TENM2: variants seen among roughly 807,000 people sequenced by gnomAD.
The protein encoded by TENM2 is teneurin-2.
In TENM2, 52 loss-of-function variants were observed where a neutral mutation model predicts 245.2. The ratio of observed to expected loss-of-function variants is 0.21; its 90% CI spans 0.17 to 0.27. The LOEUF (loss-of-function observed/expected upper bound fraction) is 0.27, where lower values mean the gene tolerates loss of function less well. Among genes scored for constraint, TENM2 ranks in the 10% least tolerant of loss-of-function variants. The pLI, the probability that TENM2 is intolerant of heterozygous loss-of-function variation, is 1.00. For missense variants in TENM2, 3,046 were observed against 3,666.8 expected, an observed-to-expected ratio of 0.83 and a Z score of 4.37; for synonymous variants, 1,363 against 1,438.9, an observed-to-expected ratio of 0.95 and a Z score of 1.19.
chr5:166,996,450 A>G, the TENM2 span, among the ~76,000 whole-genome samples: 1 of 152,234 alleles, frequency 6.6e-6, no homozygotes, highest in Non-Finnish European at 1.5e-5. Flanking sequence ...GAATATGACC[A>G]TACTGTTCAA....
intron 3 of TENM2, among the ~76,000 whole-genome samples, chr5:167,911,931 G>T (rs1776589849): frequency 6.6e-6 from 1 of 151,898 alleles, no homozygotes; most frequent in Admixed American, 6.6e-5. Flanking sequence ...TGTATGTAAT[G>T]GATATGTCCA....
intron 4 of TENM2, among the ~76,000 whole-genome samples, chr5:167,957,618 T>C (rs935923392): frequency 2.0e-5 from 3 of 152,152 alleles, no homozygotes; most frequent in East Asian, 3.8e-4. Flanking sequence ...TTTAGTGCTA[T>C]AAATTTCCCT....
chr5:167,034,499 G>A, the TENM2 span, among the ~76,000 whole-genome samples: 46,127 of 147,148 alleles, frequency 0.31, 5,072 homozygotes, highest in South Asian at 0.46. Flanking sequence ...GCGTGGTGGC[G>A]GGCGCCTGTA....
chr5:168,102,181 C>T (rs1021931953), intron 9 of TENM2, among the ~76,000 whole-genome samples: 2 of 152,230 alleles, frequency 1.3e-5, no homozygotes, highest in African/African-American at 2.4e-5. Context: ...TCAAGTGATT[C>T]ACCTGCCTCA....
intron 2 of TENM2, among the ~76,000 whole-genome samples, chr5:167,426,767 G>A (rs67258610): frequency 1.3e-5 from 2 of 151,824 alleles, no homozygotes; most frequent in African/African-American, 4.8e-5. Flanking sequence ...GTTTATCAGC[G>A]AATGTTTATC....
intron 2 of TENM2, among the ~76,000 whole-genome samples, chr5:167,543,904 C>G (rs1281986123): frequency 2.6e-5 from 4 of 152,150 alleles, no homozygotes; most frequent in African/African-American, 9.7e-5. Context: ...GGACATAAGT[C>G]ATGTTGGATA....
the TENM2 span, among the ~76,000 whole-genome samples, chr5:167,146,284 C>A: frequency 6.6e-6 from 1 of 152,282 alleles, no homozygotes; most frequent in Non-Finnish European, 1.5e-5. Context: ...TCAGAAATTT[C>A]ATTAACTAAG....
intron 2 of TENM2, among the ~76,000 whole-genome samples, chr5:167,794,614 G>C (rs1340334886): frequency 6.6e-6 from 1 of 152,236 alleles, no homozygotes; most frequent in East Asian, 1.9e-4. Flanking sequence ...GAAGGAAGGA[G>C]AAAGAAGTAG....
chr5:167,230,998 T>C, the TENM2 span, among the ~76,000 whole-genome samples: 18 of 152,090 alleles, frequency 1.2e-4, no homozygotes, highest in Non-Finnish European at 2.1e-4. Context: ...ATGGTTTTAT[T>C]ACTGTGGCAT....
intron 1 of TENM2, among the ~76,000 whole-genome samples, chr5:167,292,682 TA>T (rs1754704917): frequency 6.6e-6 from 1 of 151,918 alleles, no homozygotes; most frequent in African/African-American, 2.4e-5. Flanking sequence ...GACACAACAA[TA>T]AAAAAAGGTA....
At chr5:167,034,272 C>A in the TENM2 span, among the ~76,000 whole-genome samples, 1 of 152,052 alleles carries the variant, frequency 6.6e-6, no homozygotes, top group Non-Finnish European at 1.5e-5. Context: ...CATTGGTATC[C>A]CAATATTGTA....
intron 1 of TENM2, among the ~76,000 whole-genome samples, chr5:167,344,104 T>C (rs1758292228): frequency 6.7e-6 from 1 of 150,178 alleles, no homozygotes; most frequent in Non-Finnish European, 1.5e-5. Flanking sequence ...GTTTAACTGT[T>C]CAAGAACTTA....
chr5:167,160,473 A>G, the TENM2 span, among the ~76,000 whole-genome samples: 1,400 of 152,270 alleles, frequency 9.2e-3, 24 homozygotes, highest in African/African-American at 0.032. Context: ...TAAGATTCAT[A>G]TTTTCTCCTT....
intron 4 of TENM2, among the ~76,000 whole-genome samples, chr5:167,957,053 G>T (rs557480614): frequency 5.9e-5 from 9 of 152,104 alleles, no homozygotes; most frequent in African/African-American, 2.2e-4. Context: ...AATGGTACCA[G>T]CTCCTTTTTG....
chr5:167,827,419 A>G (rs944681696), intron 2 of TENM2, among the ~76,000 whole-genome samples: 2 of 152,182 alleles, frequency 1.3e-5, no homozygotes, highest in Non-Finnish European at 2.9e-5. Flanking sequence ...TAACTTGTAC[A>G]CAGGCAAATC....
chr5:167,677,560 A>AT (rs1031779601), intron 2 of TENM2, among the ~76,000 whole-genome samples: 10 of 151,450 alleles, frequency 6.6e-5, no homozygotes, highest in African/African-American at 1.5e-4. Context: ...AACCTTACCT[A>AT]TTTTTTTATT....
At chr5:167,923,824 T>C (rs546484116) in intron 3 of TENM2, among the ~76,000 whole-genome samples, 1 of 152,270 alleles carries the variant, frequency 6.6e-6, no homozygotes, top group East Asian at 1.9e-4. Flanking sequence ...TGTCTTATGT[T>C]GTCCCACCCA....
chr5:167,839,079 G>T (rs541028671), intron 2 of TENM2, among the ~76,000 whole-genome samples: 1 of 152,194 alleles, frequency 6.6e-6, no homozygotes, highest in African/African-American at 2.4e-5. Context: ...GTGTTGATAA[G>T]TATTGTCATT....
intron 2 of TENM2, among the ~76,000 whole-genome samples, chr5:167,533,844 T>A (rs988637643): frequency 1.3e-5 from 2 of 152,132 alleles, no homozygotes; most frequent in African/African-American, 2.4e-5. Flanking sequence ...GTGTGATATA[T>A]GAAGGAGTGG....
Sources: gnomAD v4.1 joint callset for allele counts (sites outside exome capture counted in the v4.1 genomes callset) on GRCh38, gnomAD v4.1.1 for gene constraint, MANE v1.5 for transcripts, NCBI Gene and HGNC (gene_info 2026-07-23, HGNC 2026-07-21) for gene names.